Variants in OXR1 observed in about 807,000 individuals in gnomAD.
OXR1 encodes the protein oxidation resistance protein 1.
In OXR1, 41 loss-of-function variants were observed where a neutral mutation model predicts 104.6. The ratio of observed to expected loss-of-function variants is 0.39; its 90% CI spans 0.31 to 0.51. The LOEUF (loss-of-function observed/expected upper bound fraction) is 0.51, where lower values mean the gene tolerates loss of function less well. Among genes scored for constraint, OXR1 ranks in the 20% least tolerant of loss-of-function variants. The probability of loss-of-function intolerance (pLI) is 0.77; values close to 1 mark genes in which losing one functional copy is unlikely to be tolerated. For missense variants in OXR1, 955 were observed against 1,031.9 expected, an observed-to-expected ratio of 0.93 and a Z score of 1.02; for synonymous variants, 348 against 348.4, an observed-to-expected ratio of 1.00 and a Z score of 0.01.
intron 3 of OXR1, among the ~76,000 whole-genome samples, chr8:106,597,184 AACCCCAAG>A (rs1331633638): frequency 6.6e-6 from 1 of 152,148 alleles, no homozygotes; most frequent in Admixed American, 6.5e-5. Context: ...TGAAACCCTA[AACCCCAAG>A]ACGATGCTGT....
intron 1 of OXR1, among the ~76,000 whole-genome samples, chr8:106,290,835 A>G (rs921592375): frequency 6.6e-5 from 10 of 152,196 alleles, no homozygotes; most frequent in Middle Eastern, 6.3e-3. Context: ...ATGCTTATAC[A>G]TTGTTGGTGG....
intron 3 of OXR1, among the ~76,000 whole-genome samples, chr8:106,676,608 A>T (rs1399764142): frequency 6.6e-6 from 1 of 152,036 alleles, no homozygotes; most frequent in Non-Finnish European, 1.5e-5. Context: ...AGAATGATGA[A>T]TATTGGCCCT....
At chr8:106,312,383 G>C (rs895286628) in intron 1 of OXR1, among the ~76,000 whole-genome samples, 1 of 152,188 alleles carries the variant, frequency 6.6e-6, no homozygotes, top group Non-Finnish European at 1.5e-5. Flanking sequence ...GCTGGCTTCC[G>C]CCAGAGTGAG....
intron 2 of OXR1, among the ~76,000 whole-genome samples, chr8:106,428,304 G>A (rs1819216177): frequency 6.6e-6 from 1 of 152,176 alleles, no homozygotes; most frequent in Admixed American, 6.5e-5. Flanking sequence ...ATTTTCTACA[G>A]GAAGAAGGGG....
At chr8:106,442,113 T>C (rs1819810264) in intron 2 of OXR1, among the ~76,000 whole-genome samples, 1 of 152,202 alleles carries the variant, frequency 6.6e-6, no homozygotes. Context: ...CTTGAGAGTT[T>C]TTACCATGAA....
At chr8:106,602,866 TTTTGTTTTG>T (rs1454446592) in intron 3 of OXR1, among the ~76,000 whole-genome samples, 1 of 152,194 alleles carries the variant, frequency 6.6e-6, no homozygotes, top group Non-Finnish European at 1.5e-5. Context: ...TTTTGTTTTA[TTTTGTTTTG>T]TTTGTTTTTT....
intron 3 of OXR1, among the ~76,000 whole-genome samples, chr8:106,635,953 G>C (rs191631952): frequency 6.6e-6 from 1 of 152,154 alleles, no homozygotes; most frequent in Non-Finnish European, 1.5e-5. Context: ...TGATTCCATG[G>C]TAGATGTTAT....
chr8:106,411,317 C>T (rs969266682), intron 2 of OXR1, among the ~76,000 whole-genome samples: 1 of 152,108 alleles, frequency 6.6e-6, no homozygotes, highest in African/African-American at 2.4e-5. Flanking sequence ...AGATCATGCA[C>T]AGCATTTCAG....
chr8:106,615,807 G>A (rs940797521), intron 3 of OXR1, among the ~76,000 whole-genome samples: 1 of 152,078 alleles, frequency 6.6e-6, no homozygotes, highest in South Asian at 2.1e-4. Context: ...TATACATAGC[G>A]TGCTTGGCAA....
chr8:106,668,862 T>G (rs961742550), intron 3 of OXR1, among the ~76,000 whole-genome samples: 1 of 152,196 alleles, frequency 6.6e-6, no homozygotes, highest in Admixed American at 6.5e-5. Flanking sequence ...CTTCAGAAGC[T>G]CTATTTGTAT....
chr8:106,572,870 T>C (rs1817573676), intron 3 of OXR1, among the ~76,000 whole-genome samples: 1 of 152,102 alleles, frequency 6.6e-6, no homozygotes. Flanking sequence ...GAATCTATTA[T>C]AAGGAATTGG....
At chr8:106,732,732 T>C (rs1036921987) in intron 11 of OXR1, among the ~76,000 whole-genome samples, 1 of 152,208 alleles carries the variant, frequency 6.6e-6, no homozygotes, top group Non-Finnish European at 1.5e-5. Context: ...TAAGTTCTAC[T>C]TCGTCGTTGT....
At chr8:106,492,290 T>C (rs1811142561) in intron 2 of OXR1, among the ~76,000 whole-genome samples, 1 of 152,220 alleles carries the variant, frequency 6.6e-6, no homozygotes, top group Admixed American at 6.6e-5. Flanking sequence ...GACTTCCCTG[T>C]CTCCAAAACA....
intron 2 of OXR1, among the ~76,000 whole-genome samples, chr8:106,398,679 T>A (rs904219363): frequency 6.6e-6 from 1 of 152,142 alleles, no homozygotes; most frequent in Admixed American, 6.6e-5. Context: ...AACTCTACTA[T>A]CTTTAAGTTT....
chr8:106,594,029 T>C (rs1043060652), intron 3 of OXR1, among the ~76,000 whole-genome samples: 1 of 152,216 alleles, frequency 6.6e-6, no homozygotes, highest in Non-Finnish European at 1.5e-5. Flanking sequence ...CAGGCCGTTA[T>C]GTTGAAGTGT....
chr8:106,431,602 G>A (rs1252464409), intron 2 of OXR1, among the ~76,000 whole-genome samples: 2 of 151,996 alleles, frequency 1.3e-5, no homozygotes, highest in Non-Finnish European at 2.9e-5. Context: ...GTATCTATTC[G>A]TTCGTCTGTC....
intron 2 of OXR1, among the ~76,000 whole-genome samples, chr8:106,413,103 C>T (rs892176304): frequency 1.3e-5 from 2 of 150,512 alleles, no homozygotes; most frequent in African/African-American, 2.5e-5. Context: ...ACATTGCCCT[C>T]ATTTAATTTT....
intron 2 of OXR1, among the ~76,000 whole-genome samples, chr8:106,472,351 C>A (rs750313459): frequency 1.5e-4 from 22 of 151,564 alleles, no homozygotes; most frequent in Non-Finnish European, 2.8e-4. Flanking sequence ...ATTTCCTATT[C>A]ACAAATAAAA....
At chr8:106,452,734 C>A in intron 2 of OXR1, among the ~76,000 whole-genome samples, 1 of 152,036 alleles carries the variant, frequency 6.6e-6, no homozygotes, top group Non-Finnish European at 1.5e-5. Context: ...TTGTCCTTTG[C>A]TTTTTGTTGT....
Sources: gnomAD v4.1 joint callset for allele counts (sites outside exome capture counted in the v4.1 genomes callset) on GRCh38, gnomAD v4.1.1 for gene constraint, MANE v1.5 for transcripts, NCBI Gene and HGNC (gene_info 2026-07-23, HGNC 2026-07-21) for gene names.